The following MED13L variants were observed in gnomAD, a reference collection of about 807,000 sequenced individuals.
The protein encoded by MED13L is mediator complex subunit 13L.
MED13L carries 7 observed loss-of-function variants against 220.9 expected under a neutral mutation model. The ratio of observed to expected loss-of-function variants is 0.03; its 90% CI spans 0.02 to 0.06. The LOEUF is 0.06. Among genes scored for constraint, MED13L ranks in the 10% least tolerant of loss-of-function variants. MED13L has a pLI of 1.00. For synonymous variants in MED13L, 1,011 were observed against 1,015.2 expected, an observed-to-expected ratio of 1.00 and a Z score of 0.08; for missense variants, 1,965 against 2,760.5, an observed-to-expected ratio of 0.71 and a Z score of 6.46.
intron 4 of MED13L, among the ~76,000 whole-genome samples, chr12:116,025,645 G>T (rs1880343362): frequency 6.6e-6 from 1 of 152,142 alleles, no homozygotes; most frequent in Non-Finnish European, 1.5e-5. Flanking sequence ...AATACCACAT[G>T]ATCTCACTCA....
chr12:115,984,421 T>C lies in MED13L; in HGVS notation c.4339-49A>G, dbSNP rs1176205352. Reference sequence around the variant, plus strand: ...AGTTATAACAGGAGCCATTCCTTCATTCAGTACCAATGGTTAGCAAGGGAG... The same window carrying C: ...AGTTATAACAGGAGCCATTCCTTCACTCAGTACCAATGGTTAGCAAGGGAG... On this transcript the variant is annotated intron_variant, in intron 19 of 30. Transcript: ENST00000281928. 1.9e-6 allele frequency: 3 copies of C among 1,595,162 alleles called. No individual in the cohort carries two copies. The South Asian group carries it at 3.3e-5, about 18-fold the overall frequency.
intron 3 of MED13L, among the ~76,000 whole-genome samples, chr12:116,097,601 G>C (rs1192523236): frequency 1.3e-5 from 2 of 152,154 alleles, no homozygotes; most frequent in Non-Finnish European, 2.9e-5. Context: ...GCACAATAAA[G>C]GACTTGATTA....
At chr12:116,235,714 T>C (rs1369901259) in intron 2 of MED13L, among the ~76,000 whole-genome samples, 1 of 152,162 alleles carries the variant, frequency 6.6e-6, no homozygotes, top group Non-Finnish European at 1.5e-5. Context: ...ACAAAGCCCA[T>C]GAAAAATAAC....
intron 2 of MED13L, among the ~76,000 whole-genome samples, chr12:116,122,275 A>C (rs188439940): frequency 9.7e-4 from 148 of 152,326 alleles, no homozygotes; most frequent in African/African-American, 3.4e-3. Flanking sequence ...AAAGAAACTC[A>C]GTAACAAAGG....
intron 10 of MED13L, chr12:116,008,034 C>T: frequency 3.1e-6 from 1 of 327,770 alleles, no homozygotes; most frequent in Non-Finnish European, 5.5e-6. Context: ...ATGATACATA[C>T]ACCTGAATGC....
chr12:116,081,640 T>C (rs992342700), intron 4 of MED13L, among the ~76,000 whole-genome samples: 1 of 152,156 alleles, frequency 6.6e-6, no homozygotes, highest in African/African-American at 2.4e-5. Flanking sequence ...TCCCAGCACT[T>C]TGGAAGGCCA....
At chr12:116,087,796 T>C (rs903877725) in intron 4 of MED13L, among the ~76,000 whole-genome samples, 4 of 152,176 alleles carry the variant, frequency 2.6e-5, no homozygotes, top group African/African-American at 9.7e-5. Context: ...GCACTAAAAG[T>C]GCATCAGGAA....
At chr12:115,981,689 T>C (rs1877340378) in intron 22 of MED13L, among the ~76,000 whole-genome samples, 1 of 152,098 alleles carries the variant, frequency 6.6e-6, no homozygotes, top group Non-Finnish European at 1.5e-5. Context: ...TTTATAACAG[T>C]AAAGAAGTGG....
intron 2 of MED13L, among the ~76,000 whole-genome samples, chr12:116,207,620 G>T (rs1337859888): frequency 6.6e-6 from 1 of 151,998 alleles, no homozygotes; most frequent in Non-Finnish European, 1.5e-5. Context: ...TTATATCATG[G>T]GATAAAGCAA....
chr12:116,062,199 C>T (rs748372160), intron 4 of MED13L, among the ~76,000 whole-genome samples: 3 of 152,024 alleles, frequency 2.0e-5, no homozygotes, highest in Non-Finnish European at 4.4e-5. Context: ...GACACCCAGG[C>T]TGGAGTGCAG....
intron 2 of MED13L, among the ~76,000 whole-genome samples, chr12:116,174,296 A>T (rs1879887799): frequency 6.6e-6 from 1 of 152,206 alleles, no homozygotes; most frequent in Non-Finnish European, 1.5e-5. Context: ...AGATAAAATG[A>T]ACAAATTAAA....
chr12:116,158,673 T>C (rs1878630149), intron 2 of MED13L, among the ~76,000 whole-genome samples: 1 of 152,058 alleles, frequency 6.6e-6, no homozygotes, highest in Admixed American at 6.6e-5. Flanking sequence ...AGGGATAAAA[T>C]GAAATAAGGA....
At chr12:116,030,069 G>A (rs1880640266) in intron 4 of MED13L, among the ~76,000 whole-genome samples, 1 of 152,090 alleles carries the variant, frequency 6.6e-6, no homozygotes, top group Non-Finnish European at 1.5e-5. Context: ...CCCAGTTCAG[G>A]TGATTCTCAT....
intron 2 of MED13L, among the ~76,000 whole-genome samples, chr12:116,171,710 C>T (rs902231458): frequency 6.6e-6 from 1 of 152,142 alleles, no homozygotes; most frequent in African/African-American, 2.4e-5. Flanking sequence ...GGGTACAATC[C>T]TTCTGTAACA....
chr12:116,111,082 T>C (rs937543035), intron 3 of MED13L, among the ~76,000 whole-genome samples: 2 of 152,210 alleles, frequency 1.3e-5, no homozygotes, highest in African/African-American at 4.8e-5. Flanking sequence ...TTTATCATGA[T>C]ACTGTGCTAA....
At chr12:115,998,700 T>C (rs1489416621) in intron 14 of MED13L, among the ~76,000 whole-genome samples, 1 of 152,234 alleles carries the variant, frequency 6.6e-6, no homozygotes, top group Non-Finnish European at 1.5e-5. Context: ...GTGAAACAAC[T>C]GTATAATCCT....
intron 2 of MED13L, among the ~76,000 whole-genome samples, chr12:116,203,329 T>C (rs1315352817): frequency 6.6e-6 from 1 of 152,184 alleles, no homozygotes; most frequent in East Asian, 1.9e-4. Flanking sequence ...ATATCATCAC[T>C]TTGTGGTGGT....
At chr12:116,118,314 T>G (rs1360506352) in intron 2 of MED13L, among the ~76,000 whole-genome samples, 1 of 151,592 alleles carries the variant, frequency 6.6e-6, no homozygotes, top group Admixed American at 6.6e-5. Context: ...GTACTAAAGC[T>G]TAGAAAACAA....
At chr12:116,091,120 C>CAAAAAAAAAAAAAA (rs5801163) in intron 4 of MED13L, among the ~76,000 whole-genome samples, 2 of 87,404 alleles carry the variant, frequency 2.3e-5, no homozygotes, top group Non-Finnish European at 4.6e-5. Context: ...AACTCTGTCT[C>CAAAAAAAAAAAAAA]AAAAAAAAAA....
Sources: allele counts gnomAD v4.1 joint callset (sites outside exome capture counted in the v4.1 genomes callset), GRCh38; gene constraint gnomAD v4.1.1; transcripts MANE v1.5; gene names NCBI Gene and HGNC (gene_info 2026-07-23, HGNC 2026-07-21).